Variants in TNFSF13B observed in about 807,000 individuals in gnomAD.
The protein encoded by TNFSF13B is TNF superfamily member 13b.
In TNFSF13B, 8 loss-of-function variants were observed where a neutral mutation model predicts 29.1. That is an observed-to-expected ratio of 0.27 (90% CI 0.16 to 0.50). The LOEUF is 0.50. Among genes scored for constraint, TNFSF13B ranks in the 20% least tolerant of loss-of-function variants. The pLI, the probability that TNFSF13B is intolerant of heterozygous loss-of-function variation, is 0.98. For synonymous variants in TNFSF13B, 125 were observed against 130.8 expected, an observed-to-expected ratio of 0.96 and a Z score of 0.30; for missense variants, 248 against 334.9, an observed-to-expected ratio of 0.74 and a Z score of 2.03.
intron 3 of TNFSF13B, among the ~76,000 whole-genome samples, chr13:108,300,390 T>A (rs1447688815): frequency 6.6e-6 from 1 of 152,078 alleles, no homozygotes; most frequent in Non-Finnish European, 1.5e-5. Flanking sequence ...ATTTAGTATC[T>A]CTCAAGTATA....
chr13:108,285,428 G>A (rs1318649291), intron 2 of TNFSF13B, among the ~76,000 whole-genome samples: 2 of 152,152 alleles, frequency 1.3e-5, no homozygotes, highest in African/African-American at 2.4e-5. Context: ...AAACCTAGGT[G>A]GTGTAGCCTT....
intron 2 of TNFSF13B, 65 bp downstream of exon 2, chr13:108,270,489 G>A (rs1289733515): frequency 1.4e-6 from 2 of 1,462,186 alleles, no homozygotes; most frequent in African/African-American, 1.4e-5. Context: ...GTCTGGGGGA[G>A]CTGGAGGTGA....
intron 2 of TNFSF13B, among the ~76,000 whole-genome samples, chr13:108,274,260 A>G (rs906811822): frequency 1.3e-5 from 2 of 151,914 alleles, no homozygotes; most frequent in African/African-American, 4.8e-5. Context: ...TTGTTCAAGG[A>G]TCAACTGTAT....
chr13:108,296,809 T>C lies in TNFSF13B; in HGVS notation c.482-6444T>C, dbSNP rs1337717782. Among the ~76,000 whole-genome samples the C allele has an allele frequency of 2.7e-5, 4 of 145,586 alleles. No individual in the cohort carries two copies. In the East Asian group the frequency reaches 7.7e-4, roughly 28 times the overall value. Reference sequence around the variant, plus strand: ...ATAGTTGTTATTCTGGTGATCACAATAAACATCCTAAATTTATAACAATGT... The same window carrying C: ...ATAGTTGTTATTCTGGTGATCACAACAAACATCCTAAATTTATAACAATGT... On this transcript the variant is annotated intron_variant, in intron 3 of 5. Coordinates refer to ENST00000375887, the MANE Select transcript of TNFSF13B (RefSeq NM_006573.5).
intron 3 of TNFSF13B, among the ~76,000 whole-genome samples, chr13:108,300,803 G>A (rs138935925): frequency 4.6e-4 from 70 of 152,258 alleles, no homozygotes; most frequent in African/African-American, 1.6e-3. Flanking sequence ...TGACAGAGGT[G>A]GCTCCTGGGA....
chr13:108,306,047 T>A (rs1881767087), intron 5 of TNFSF13B, among the ~76,000 whole-genome samples: 1 of 152,190 alleles, frequency 6.6e-6, no homozygotes, highest in African/African-American at 2.4e-5. Context: ...TTCTTCTTCA[T>A]ATTTTTGTTT....
intron 2 of TNFSF13B, among the ~76,000 whole-genome samples, chr13:108,271,542 A>G (rs1000831047): frequency 6.6e-6 from 1 of 152,014 alleles, no homozygotes; most frequent in African/African-American, 2.4e-5. Flanking sequence ...CTTTATTCAT[A>G]AAAAATTGTT....
chr13:108,298,509 G>A lies in TNFSF13B; in HGVS notation c.482-4744G>A, dbSNP rs1048881633. On this transcript the variant is annotated intron_variant, in intron 3 of 5. Coordinates refer to ENST00000375887, the MANE Select transcript of TNFSF13B (RefSeq NM_006573.5). ...ACTTCAAGGAGGGTAAAGACAAAAA[G>A]ATTCCAAATCTTATTAAAATCAATT... Among the ~76,000 whole-genome samples the A allele has an allele frequency of 6.9e-5, 10 of 145,428 alleles. 1 individual carries two copies. Among genetic ancestry groups the A allele is most frequent in the African/African-American group, 2.3e-4 (9 of 38,656 alleles).
At chr13:108,275,066 T>C (rs1468895326) in intron 2 of TNFSF13B, among the ~76,000 whole-genome samples, 1 of 152,196 alleles carries the variant, frequency 6.6e-6, no homozygotes, top group Non-Finnish European at 1.5e-5. Flanking sequence ...TCATTTTTGA[T>C]TGTAGTATAA....
Position 108,307,016 on chromosome 13 carries a change from C to CA in TNFSF13B, c.*109dup, listed in dbSNP as rs58093140. ...GAAGAAAGAATCTAACTGAAAATAC[C>CA]AAAAAAAAAAAAAAAAAAAAAAAAA... On this transcript the variant is annotated 3_prime_UTR_variant, in exon 6 of 6. Transcript: ENST00000375887. The CA allele has an allele frequency of 0.015, 1,171 of 76,634 alleles. 90 individuals carry two copies. The highest frequency in any genetic ancestry group is 0.021 in the Non-Finnish European group (857 of 40,956). The allele number at this position is 76,634 out of a possible 1,614,324, so 4.7% of individuals were successfully genotyped here.
In TNFSF13B at chr13:108,306,735, T is replaced by TTC. The variant is rs1443685481; in HGVS notation, c.746-90_746-89insCT. The TTC allele has an allele frequency of 5.1e-6, 4 of 779,152 alleles. No individual in the cohort carries two copies. The East Asian group carries it at 1.1e-4, about 22-fold the overall frequency. The allele number at this position is 779,152 out of a possible 1,614,324, so 48.3% of individuals were successfully genotyped here. ...AAGTGTGAATGCCTATGTTAACATT[T>TTC]TTTTTTTACAGAACAAAATAGTTTT... On this transcript the variant is annotated intron_variant, in intron 5 of 5. Coordinates refer to ENST00000375887, the MANE Select transcript of TNFSF13B (RefSeq NM_006573.5).
chr13:108,286,618 A>G (rs952091421), intron 2 of TNFSF13B, among the ~76,000 whole-genome samples, 185 bp from the exon 3 acceptor site: 2 of 142,954 alleles, frequency 1.4e-5, no homozygotes, highest in African/African-American at 4.9e-5. Context: ...TGAATTTCAT[A>G]TATATATATC....
chr13:108,271,433 G>C (rs2139038053), intron 2 of TNFSF13B, among the ~76,000 whole-genome samples: 1 of 124,612 alleles, frequency 8.0e-6, no homozygotes, highest in South Asian at 2.7e-4. Context: ...GATAGACCAG[G>C]GACCCTTCTA....
At chr13:108,276,122 G>T (rs192273417) in intron 2 of TNFSF13B, among the ~76,000 whole-genome samples, 1 of 152,190 alleles carries the variant, frequency 6.6e-6, no homozygotes, top group East Asian at 1.9e-4. Context: ...TGGCTTAGCT[G>T]TGAGTTCCAG....
At chr13:108,288,513 C>A (rs1313010199) in intron 3 of TNFSF13B, among the ~76,000 whole-genome samples, 1 of 152,182 alleles carries the variant, frequency 6.6e-6, no homozygotes, top group African/African-American at 2.4e-5. Flanking sequence ...AATCATCTAA[C>A]ATGAAGCCCA....
chr13:108,297,926 A>C (rs548160487), intron 3 of TNFSF13B, among the ~76,000 whole-genome samples: 1 of 146,052 alleles, frequency 6.8e-6, no homozygotes, highest in African/African-American at 2.6e-5. Context: ...GTATTAGAGT[A>C]TTTTCACTGT....
intron 2 of TNFSF13B, among the ~76,000 whole-genome samples, chr13:108,270,908 A>G (rs1213115750): frequency 1.3e-5 from 2 of 152,128 alleles, no homozygotes; most frequent in African/African-American, 2.4e-5. Flanking sequence ...AAGGCCCTGT[A>G]TGTTGTACTT....
intron 3 of TNFSF13B, among the ~76,000 whole-genome samples, chr13:108,293,851 CAG>C (rs1469020609): frequency 6.6e-6 from 1 of 152,172 alleles, no homozygotes; most frequent in African/African-American, 2.4e-5. Context: ...TGGCTGAGAA[CAG>C]AGACAAAAGC....
intron 2 of TNFSF13B, among the ~76,000 whole-genome samples, chr13:108,274,704 TC>T (rs1427445144): frequency 4.6e-5 from 7 of 152,174 alleles, no homozygotes; most frequent in Non-Finnish European, 8.8e-5. Context: ...TATGCAGCTT[TC>T]TTTGATTTTT....
Sources: allele counts gnomAD v4.1 joint callset (sites outside exome capture counted in the v4.1 genomes callset), GRCh38; gene constraint gnomAD v4.1.1; transcripts MANE v1.5; gene names NCBI Gene and HGNC (gene_info 2026-07-23, HGNC 2026-07-21).